The following TBC1D32 variants were observed in gnomAD, a reference collection of about 807,000 sequenced individuals.
The protein encoded by TBC1D32 is protein broad-minded.
TBC1D32 carries 151 observed loss-of-function variants against 170.3 expected under a neutral mutation model. That is an observed-to-expected ratio of 0.89 (90% confidence interval 0.78 to 1.01). The LOEUF is 1.01. Among genes scored for constraint, TBC1D32 ranks in the 50% least tolerant of loss-of-function variants. The probability of loss-of-function intolerance (pLI) is 0.00; values close to 1 mark genes in which losing one functional copy is unlikely to be tolerated. For missense variants in TBC1D32, 1,464 were observed against 1,457.1 expected, an observed-to-expected ratio of 1.00 and a Z score of -0.08; for synonymous variants, 498 against 488.0, an observed-to-expected ratio of 1.02 and a Z score of -0.27.
At chr6:121,177,280 G>A (rs755671420) in intron 22 of TBC1D32, among the ~76,000 whole-genome samples, 8 of 152,072 alleles carry the variant, frequency 5.3e-5, no homozygotes, top group South Asian at 2.1e-4. Context: ...GATAGTGAGC[G>A]AGTTTCTCAT....
chr6:121,090,782 A>T, intron 31 of TBC1D32, 71 bp downstream of exon 31: 2 of 1,374,322 alleles, frequency 1.5e-6, no homozygotes, highest in Non-Finnish European at 2.0e-6. Context: ...TGCCTAGAAA[A>T]AGTATCTAAT....
At position 121,249,797 on chromosome 6, in the gene TBC1D32, A is replaced by T. The variant is rs181122291; in HGVS notation, c.2018+5531T>A. ...ACCAAGGAAGTAAAGATCTCTACAA[A>T]AAAAAACTACAAAACACTGTTGAAA... On this transcript the variant is annotated intron_variant, in intron 17 of 31. Coordinates refer to ENST00000398212, the MANE Select transcript of TBC1D32 (RefSeq NM_152730.6). Among the ~76,000 whole-genome samples, 6 of 152,202 alleles carry T rather than the reference A, an allele frequency of 3.9e-5. No homozygotes were observed. The East Asian group carries it at 9.6e-4, about 24-fold the overall frequency.
intron 2 of TBC1D32, among the ~76,000 whole-genome samples, chr6:121,318,487 T>G (rs1338309191): frequency 6.6e-6 from 1 of 152,048 alleles, no homozygotes; most frequent in Non-Finnish European, 1.5e-5. Flanking sequence ...ATATGTGACC[T>G]GAACCACTGA....
intron 11 of TBC1D32, among the ~76,000 whole-genome samples, chr6:121,292,783 G>C (rs1424643670): frequency 1.3e-5 from 2 of 152,164 alleles, no homozygotes; most frequent in Non-Finnish European, 2.9e-5. Context: ...AAGACACTTA[G>C]AGAATTCACA....
chr6:121,261,575 TACA>T (rs1270290295), intron 15 of TBC1D32, among the ~76,000 whole-genome samples: 3 of 151,702 alleles, frequency 2.0e-5, no homozygotes, highest in Admixed American at 6.6e-5. Flanking sequence ...AACAGAAAGC[TACA>T]ACAACAGCAT....
rs547314856 is a variant in TBC1D32, at chr6:121,147,870, G to T, written c.2773+12140C>A. ...GCCTCTCAAAGTGCTGGGATTACAG[G>T]CGTGAGCCACCGCGCCCAGTCTCAT... On this transcript the variant is annotated intron_variant, in intron 24 of 31. Transcript: ENST00000398212. Among the ~76,000 whole-genome samples the T allele has an allele frequency of 8.6e-5, 13 of 151,440 alleles. No homozygotes were observed. The South Asian group carries it at 2.7e-3, about 32-fold the overall frequency.
At chr6:121,252,573 G>A (rs1798439520) in intron 17 of TBC1D32, among the ~76,000 whole-genome samples, 1 of 152,120 alleles carries the variant, frequency 6.6e-6, no homozygotes, top group African/African-American at 2.4e-5. Flanking sequence ...CTCTCAGGGG[G>A]TGGAGAGCCA....
At chr6:121,248,354 A>G (rs1205956415) in intron 17 of TBC1D32, among the ~76,000 whole-genome samples, 3 of 152,224 alleles carry the variant, frequency 2.0e-5, no homozygotes, top group African/African-American at 7.2e-5. Flanking sequence ...AAATGCCTAC[A>G]TCAAAAAGTC....
intron 21 of TBC1D32, among the ~76,000 whole-genome samples, chr6:121,219,530 CA>C (rs1383115474): frequency 2.0e-5 from 3 of 152,012 alleles, no homozygotes; most frequent in Non-Finnish European, 4.4e-5. Context: ...ACTTGTTTCC[CA>C]TAATCTAAAT....
At chr6:121,211,628 C>T (rs1265922828) in intron 21 of TBC1D32, among the ~76,000 whole-genome samples, 1 of 152,160 alleles carries the variant, frequency 6.6e-6, no homozygotes, top group Admixed American at 6.5e-5. Flanking sequence ...ATCCAGGTTG[C>T]TGTGAATGCC....
chr6:121,089,744 T>C lies in TBC1D32; in HGVS notation c.3654+1109A>G, dbSNP rs553634062. Among the ~76,000 whole-genome samples the C allele has an allele frequency of 2.6e-5, 4 of 152,194 alleles. 1 individual carries two copies. In the South Asian group the frequency reaches 8.3e-4, roughly 32 times the overall value. On this transcript the variant is annotated intron_variant, in intron 31 of 31. Transcript: ENST00000398212. ...TCAATGGTATTTATTTAAAGAAAAA[T>C]ATCGTTAAATGGAAAATAACCCTGG...
chr6:121,113,062 G>A lies in TBC1D32; in HGVS notation c.3169C>T (p.Leu1057Phe), dbSNP rs757831225. 1 of 1,601,812 alleles carries A rather than the reference G, an allele frequency of 6.2e-7. No homozygotes were observed. The highest frequency in any genetic ancestry group is 8.5e-7 in the Non-Finnish European group (1 of 1,173,852). Residue 1057 changes from leucine to phenylalanine, a missense_variant and splice_region_variant, in exon 28 of 32, where the codon CTC becomes TTC. Physicochemically the swap from Leu to Phe is conservative, Grantham distance 22. Coordinates refer to ENST00000398212, the MANE Select transcript of TBC1D32 (RefSeq NM_152730.6). The stretch of plus-strand genomic sequence containing the variant: ...TTGTGAATATACTCAAAAAGGATAT[G>A]AAGAGAAGATTTTATGGAAGTTTGC... ...QQQTSIKSSL[L>F]CLQGNYAGHD...
At chr6:121,161,898 C>T (rs934660288) in intron 22 of TBC1D32, among the ~76,000 whole-genome samples, 2 of 152,154 alleles carry the variant, frequency 1.3e-5, no homozygotes, top group African/African-American at 4.8e-5. Context: ...GATGATATCT[C>T]ATTGTGGTTT....
chr6:121,141,786 T>C (rs748292889), intron 24 of TBC1D32, among the ~76,000 whole-genome samples: 5 of 151,470 alleles, frequency 3.3e-5, no homozygotes, highest in Non-Finnish European at 7.4e-5. Flanking sequence ...GTCAGGGTGG[T>C]GGGAAAAGTT....
intron 12 of TBC1D32, among the ~76,000 whole-genome samples, chr6:121,289,074 T>G: frequency 6.6e-6 from 1 of 152,144 alleles, no homozygotes; most frequent in East Asian, 1.9e-4. Flanking sequence ...ACTGGAAGCA[T>G]TCCTTTTCAA....
chr6:121,183,710 A>C (rs910022417), intron 22 of TBC1D32, among the ~76,000 whole-genome samples: 5 of 152,134 alleles, frequency 3.3e-5, no homozygotes, highest in African/African-American at 1.2e-4. Context: ...AGAAATCTCT[A>C]AAATATATTA....
intron 17 of TBC1D32, among the ~76,000 whole-genome samples, chr6:121,251,686 A>G (rs1435954590): frequency 6.6e-6 from 1 of 152,212 alleles, no homozygotes; most frequent in Non-Finnish European, 1.5e-5. Flanking sequence ...AATTGCAGCA[A>G]AAGCCAAAAT....
chr6:121,174,152 CAT>C (rs72000694), intron 22 of TBC1D32, among the ~76,000 whole-genome samples: 12,774 of 151,706 alleles, frequency 0.084, 896 homozygotes, highest in African/African-American at 0.19. Context: ...ATAAAACTGT[CAT>C]AGAAATGAAA....
At chr6:121,087,787 G>T (rs907053113) in intron 31 of TBC1D32, among the ~76,000 whole-genome samples, 2 of 152,130 alleles carry the variant, frequency 1.3e-5, no homozygotes, top group Admixed American at 1.3e-4. Flanking sequence ...ATAAAATAAA[G>T]CCCACATAAA....
Sources: gnomAD v4.1 joint callset for allele counts (sites outside exome capture counted in the v4.1 genomes callset) on GRCh38, gnomAD v4.1.1 for gene constraint, MANE v1.5 for transcripts, NCBI Gene and HGNC (gene_info 2026-07-23, HGNC 2026-07-21) for gene names.